IFT172: variants seen among roughly 807,000 people sequenced by gnomAD.
The protein encoded by IFT172 is intraflagellar transport 172.
In IFT172, 164 loss-of-function variants were observed where a neutral mutation model predicts 248.9. The observed-to-expected ratio is 0.66, with a 90% CI of 0.58 to 0.75. The LOEUF (loss-of-function observed/expected upper bound fraction) is 0.75. IFT172 is among the 30% of genes least tolerant of loss of function. The pLI is 0.00. For synonymous variants in IFT172, 729 were observed against 791.6 expected, an observed-to-expected ratio of 0.92 and a Z score of 1.33; for missense variants, 1,950 against 2,192.4, an observed-to-expected ratio of 0.89 and a Z score of 2.21.
intron 25 of IFT172, 105 bp downstream of exon 25, chr2:27,459,273 C>G: frequency 7.0e-7 from 1 of 1,419,172 alleles, no homozygotes; most frequent in Non-Finnish European, 9.6e-7. Context: ...GTTTGGAGCC[C>G]AGAAAGAAGG....
At position 27,459,153 on chromosome 2, in the gene IFT172, C is replaced by T. The variant is rs1666424854; in HGVS notation, c.2787+225G>A. On this transcript the variant is annotated intron_variant, in intron 25 of 47. Coordinates refer to ENST00000260570, the MANE Select transcript of IFT172 (RefSeq NM_015662.3). ...TCATGAAGAATCACGCTGACTGGAA[C>T]ACAGCTAGAGACTCACTTTATATAT... 22 of 631,646 alleles carry T rather than the reference C, an allele frequency of 3.5e-5. 2 individuals are homozygous for T. Among genetic ancestry groups the T allele is most frequent in the Middle Eastern group, 4.3e-4 (1 of 2,316 alleles). 39.1% of individuals were successfully genotyped at this position (631,646 alleles called of 1,614,324 possible). A position where few individuals can be genotyped will look rare whatever the true frequency, so the allele number is the denominator to read the frequency against.
At chr2:27,471,434 C>A (rs930111371) in intron 15 of IFT172, among the ~76,000 whole-genome samples, 1 of 152,170 alleles carries the variant, frequency 6.6e-6, no homozygotes, top group African/African-American at 2.4e-5. Context: ...TGTGATGTGG[C>A]TTTCACTGAA....
intron 42 of IFT172, chr2:27,446,557 AG>A (rs1235697060): frequency 2.0e-6 from 1 of 511,646 alleles, no homozygotes; most frequent in Non-Finnish European, 3.5e-6. Context: ...TCTTTCGCCC[AG>A]GCTGGAGTGC....
intron 15 of IFT172, chr2:27,471,671 A>G (rs891530026): frequency 2.5e-5 from 4 of 161,292 alleles, no homozygotes; most frequent in African/African-American, 9.6e-5. Flanking sequence ...GACTGTGAAT[A>G]GTAAGAGACA....
intron 23 of IFT172, 61 bp from the exon 24 acceptor site, chr2:27,459,890 T>C: frequency 6.3e-7 from 1 of 1,595,136 alleles, no homozygotes; most frequent in Non-Finnish European, 8.5e-7. Flanking sequence ...AGGAAAAAGG[T>C]AGGACAGGGA....
intron 40 of IFT172, 53 bp from the exon 41 acceptor site, chr2:27,447,975 G>C: frequency 8.9e-7 from 1 of 1,122,088 alleles, no homozygotes; most frequent in South Asian, 1.2e-5. Flanking sequence ...AGAAGAGAAA[G>C]TCACTGGAAG....
intron 18 of IFT172, among the ~76,000 whole-genome samples, chr2:27,464,939 T>TC (rs35985301): frequency 6.6e-6 from 1 of 150,868 alleles, no homozygotes; most frequent in Non-Finnish European, 1.5e-5. Context: ...TTTTTTTTTT[T>TC]GAGACAGAGT....
At position 27,471,092 on chromosome 2, in the gene IFT172, G is replaced by C. The variant is rs773577174; in HGVS notation, c.1528C>G (p.His510Asp). ...GAGCAGCTTTCAATATCATACAGAT[G>C]CAACTGAAGAAAGAAAAGGCAGGTA... ...LLFRDRKLRL[H>D]LYDIESCSKT... is the part of the protein sequence containing the mutation. The change falls in exon 16 of 48, where the codon CAT becomes GAT. Residue 510 changes from histidine to aspartate, a missense_variant. Coordinates refer to ENST00000260570, the MANE Select transcript of IFT172 (RefSeq NM_015662.3). The C allele has an allele frequency of 6.2e-7, 1 of 1,605,088 alleles. No homozygotes were observed. Among genetic ancestry groups the C allele is most frequent in the East Asian group, 2.2e-5 (1 of 44,780 alleles).
intron 29 of IFT172, among the ~76,000 whole-genome samples, chr2:27,457,112 A>G (rs1232768708): frequency 6.6e-6 from 1 of 152,218 alleles, no homozygotes; most frequent in East Asian, 1.9e-4. Flanking sequence ...AACTTAGGTT[A>G]AAGTACTTAG....
At position 27,453,409 on chromosome 2, in the gene IFT172, C is replaced by G. The variant is rs776708575; in HGVS notation, c.3926G>C (p.Gly1309Ala). 1 of 1,614,114 alleles carries G rather than the reference C, an allele frequency of 6.2e-7. No homozygotes were observed. The highest frequency in any genetic ancestry group is 8.5e-7 in the Non-Finnish European group (1 of 1,180,054). Reference sequence around the variant, plus strand: ...CTTCATCCAGCACTTCTCCGCCAGGCCGCTGTTTCCAGAGTCTCGCACTTT... The same window carrying G: ...CTTCATCCAGCACTTCTCCGCCAGGGCGCTGTTTCCAGAGTCTCGCACTTT... ...YLKVRDSGNS[G>A]LAEKCWMKAA... is the part of the protein sequence containing the mutation. The change falls in exon 35 of 48, where the codon GGC becomes GCC. Residue 1309 changes from glycine (G) to alanine (A), a missense_variant. Around this residue, in one of 3 missense-constraint regions of IFT172, gnomAD observed 620 missense variants for 699.0 expected, o/e 0.89. Coordinates refer to ENST00000260570, the MANE Select transcript of IFT172 (RefSeq NM_015662.3).
intron 26 of IFT172, 38 bp from the exon 27 acceptor site, chr2:27,458,261 T>C (rs1666339025): frequency 1.3e-6 from 2 of 1,548,492 alleles, no homozygotes; most frequent in Non-Finnish European, 1.8e-6. Context: ...TCAGATCCAA[T>C]TCCCCAGGGA....
chr2:27,464,711 G>A (rs559873834), intron 18 of IFT172, among the ~76,000 whole-genome samples: 9 of 151,516 alleles, frequency 5.9e-5, no homozygotes, highest in Admixed American at 2.6e-4. Flanking sequence ...TTTGCCTCCC[G>A]GGTTCAAGTG....
rs115779044 is a variant in IFT172, at chr2:27,447,690, T to C, written c.4540-56A>G. 4.0e-5 allele frequency: 65 copies of C among 1,613,232 alleles called. No individual in the cohort carries two copies. In the African/African-American group the frequency reaches 7.3e-4, roughly 18 times the overall value. ...AGGGGTCAGAGGAGTGCCAGGGCCA[T>C]AGAGTGGTCTCTGATAGCCACCTGG... On this transcript the variant is annotated intron_variant, in intron 41 of 47. Coordinates refer to ENST00000260570, the MANE Select transcript of IFT172 (RefSeq NM_015662.3).
rs371919234 is a variant in IFT172 at position 27,465,417 on chromosome 2, G to A, written c.1931C>T (p.Ala644Val). The A allele has an allele frequency of 2.1e-5, 34 of 1,613,420 alleles. No individual in the cohort carries two copies. Among genetic ancestry groups the A allele is most frequent in the Admixed American group, 5.0e-5 (3 of 59,978 alleles). Reference sequence around the variant, plus strand: ...TTCTACATGTCTACCTCACCTCTCCGCAATGTGTAGTTGCCTTGCCTCTAG... The same window carrying A: ...TTCTACATGTCTACCTCACCTCTCCACAATGTGTAGTTGCCTTGCCTCTAG... ...LALEARQLHI[A>V]ERCFSALGQV... Residue 644 changes from alanine to valine, a missense_variant, in exon 18 of 48, where the codon GCG (alanine) becomes GTG (valine). Transcript: ENST00000260570.
rs992616530 is a variant in IFT172, at chr2:27,449,290, G to A, written c.4311+4C>T. 6 of 1,614,036 alleles carry A rather than the reference G, an allele frequency of 3.7e-6. No individual in the cohort carries two copies. Among genetic ancestry groups the A allele is most frequent in the African/African-American group, 2.7e-5 (2 of 74,916 alleles). ...AAAAACTGGGAATGGGAAGAGAGCA[G>A]TACCTGCTTGGTAGCTGTTTCAATG... On this transcript the variant is annotated splice_donor_region_variant and intron_variant, in intron 39 of 47. Coordinates refer to ENST00000260570, the MANE Select transcript of IFT172 (RefSeq NM_015662.3).
At chr2:27,450,742 C>G (rs193170623) in intron 35 of IFT172, among the ~76,000 whole-genome samples, 1 of 152,014 alleles carries the variant, frequency 6.6e-6, no homozygotes. Flanking sequence ...AGGCACCCAC[C>G]ACCATGCCCA....
At chr2:27,475,214 T>C (rs1238963135) in intron 14 of IFT172, among the ~76,000 whole-genome samples, 3 of 152,194 alleles carry the variant, frequency 2.0e-5, no homozygotes, top group Non-Finnish European at 2.9e-5. Context: ...TGTCAGACAA[T>C]AGAAACTCTA....
chr2:27,457,614 C>G, intron 29 of IFT172, 25 bp downstream of exon 29: 2 of 1,572,786 alleles, frequency 1.3e-6, no homozygotes, highest in Non-Finnish European at 1.7e-6. Context: ...TGGATGTATC[C>G]CTCAGTGTGG....
chr2:27,445,730 AC>A lies in IFT172; in HGVS notation c.4914+14del, dbSNP rs754884746. 5 of 1,613,994 alleles carry A rather than the reference AC, an allele frequency of 3.1e-6. No homozygotes were observed. Among genetic ancestry groups the A allele is most frequent in the Admixed American group, 1.7e-5 (1 of 60,000 alleles). ...ACTGGTGAGGCCTTCCGGTTTTCCA[AC>A]CCTGTGCCCTTACCGGTACATGCTG... On this transcript the variant is annotated intron_variant, in intron 45 of 47. Coordinates refer to ENST00000260570, the MANE Select transcript of IFT172 (RefSeq NM_015662.3). This position sits in a 1 kb window ranked among gnomAD's most constrained non-coding sequence, Gnocchi z 4.4.
Sources: allele counts gnomAD v4.1 joint callset (sites outside exome capture counted in the v4.1 genomes callset), GRCh38; gene constraint gnomAD v4.1.1; regional missense constraint gnomAD v4.1.1; non-coding constraint Gnocchi (gnomAD v3.1); transcripts MANE v1.5; gene names NCBI Gene and HGNC (gene_info 2026-07-23, HGNC 2026-07-21).